Variants in RYR1 observed in about 807,000 individuals in gnomAD.
RYR1 encodes the protein ryanodine receptor 1, also known as central core disease of muscle.
Under a neutral mutation model 583.5 loss-of-function variants are expected in RYR1, and 342 were observed. The ratio of observed to expected loss-of-function variants is 0.59; its 90% CI spans 0.54 to 0.64. The LOEUF is 0.64. RYR1 is among the 30% of genes least tolerant of loss of function. The pLI, the probability that RYR1 is intolerant of heterozygous loss-of-function variation, is 0.00. For missense variants in RYR1, 6,032 were observed against 6,917.2 expected (o/e 0.87, Z 4.54); for synonymous variants, 2,791 against 2,822.5 (o/e 0.99, Z 0.35).
At chr19:38,557,294 C>T (rs1648188949) in intron 89 of RYR1, among the ~76,000 whole-genome samples, 1 of 152,120 alleles carries the variant, frequency 6.6e-6, no homozygotes, top group African/African-American at 2.4e-5. Flanking sequence ...CTGCCCTGGT[C>T]CTGAAGGTAC....
Position 38,585,109 on chromosome 19 carries a change from G to T in RYR1, c.14803+10G>T. 6.2e-7 allele frequency: 1 copy of T among 1,613,262 alleles called. No homozygotes were observed. Among genetic ancestry groups the T allele is most frequent in the Non-Finnish European group, 8.5e-7 (1 of 1,179,624 alleles). On this transcript the variant is annotated intron_variant, in intron 102 of 105. Coordinates refer to ENST00000359596, the MANE Select transcript of RYR1 (RefSeq NM_000540.3). ...TTGGCCATCATCCAGGGTCAGTGCT[G>T]GGAGTGGGCGCTCAGGGCCCGGAGG...
At position 38,517,644 on chromosome 19, in the gene RYR1, T is replaced by C. The variant is rs141515745; in HGVS notation, c.9971T>C (p.Val3324Ala). The change falls in exon 66 of 106, where the codon GTC becomes GCC. Residue 3324 changes from valine (V) to alanine (A), a missense_variant. Physicochemically the swap from Val to Ala is moderately conservative, Grantham distance 64 (BLOSUM62 0). This residue lies in a region of RYR1 where 1,493 missense variants were observed against 1,715.5 expected (regional missense o/e 0.87). Coordinates refer to ENST00000359596, the MANE Select transcript of RYR1 (RefSeq NM_000540.3). ...SLLGNILRII[V>A]NNLGIDEASW... ...CTGGGGAATATCCTGAGAATCATCG[T>C]CAACAACCTGGGCATTGACGAGGCC... 20 of 1,613,980 alleles carry C rather than the reference T, an allele frequency of 1.2e-5. No individual in the cohort carries two copies. Among genetic ancestry groups the C allele is most frequent in the Admixed American group, 1.7e-5 (1 of 59,992 alleles).
chr19:38,473,791 G>A lies in RYR1; in HGVS notation c.4160+20G>A. On this transcript the variant is annotated intron_variant, in intron 28 of 105. Transcript: ENST00000359596. ...GAGAGGGTGAGTCGAGGGGGGCCCA[G>A]AGTGGGGATTGGGGGCTGCCTTGGG... 1 of 1,494,794 alleles carries A rather than the reference G, an allele frequency of 6.7e-7. No homozygotes were observed. The highest frequency in any genetic ancestry group is 8.9e-7 in the Non-Finnish European group (1 of 1,120,246). 92.6% of individuals were successfully genotyped at this position (1,494,794 alleles called of 1,614,324 possible).
At chr19:38,506,788 G>C (rs1248937731) in intron 56 of RYR1, 41 bp from the exon 57 acceptor site, 50 of 1,613,680 alleles carry the variant, frequency 3.1e-5, no homozygotes, top group Non-Finnish European at 4.2e-5. Context: ...AGTGGCCCGG[G>C]TCTTCCCCAG....
rs1970176400 is a variant in RYR1 at position 38,502,557 on chromosome 19, C to T, written c.7665C>T (p.Cys2555=). ...CGCTGGCGCTGAACCGCTACCTGTG[C>T]CTGGCCGTGCTGCCGCTCATCACCA... is the stretch of plus-strand genomic sequence containing the variant. The part of the protein sequence containing the change: ...EMALALNRYL[C]LAVLPLITKC... Residue 2555 remains cysteine (C), a synonymous_variant, in exon 48 of 106, where the codon TGC becomes TGT. Coordinates refer to ENST00000359596, the MANE Select transcript of RYR1 (RefSeq NM_000540.3). 2 of 1,611,592 alleles carry T rather than the reference C, an allele frequency of 1.2e-6. No individual in the cohort carries two copies. The highest frequency in any genetic ancestry group is 1.3e-5 in the African/African-American group (1 of 74,866).
Position 38,475,149 on chromosome 19 carries a change from A to G in RYR1, c.4161-169A>G, listed in dbSNP as rs73046907. On this transcript the variant is annotated intron_variant, in intron 28 of 105. Coordinates refer to ENST00000359596, the MANE Select transcript of RYR1 (RefSeq NM_000540.3). ...AGCATCCACAAGCGCAGAGCATAGC[A>G]CTTCTAGAATGGATTAGTCTGGGGT... is the stretch of plus-strand genomic sequence containing the variant. 9.8e-3 allele frequency among the ~76,000 whole-genome samples: 1,494 copies of G among 152,234 alleles called. 14 individuals carry two copies. Among genetic ancestry groups the G allele is most frequent in the Middle Eastern group, 0.02 (6 of 294 alleles).
At position 38,538,119 on chromosome 19, in the gene RYR1, T is replaced by C. The variant is rs2071091; in HGVS notation, c.11689+159T>C. Among the ~76,000 whole-genome samples the C allele has an allele frequency of 0.19, 29,089 of 151,974 alleles. 3,620 individuals are homozygous for C. Among genetic ancestry groups the C allele is most frequent in the African/African-American group, 0.34 (14,191 of 41,416 alleles). The stretch of plus-strand genomic sequence containing the variant: ...TAGCTTTCAAAATCTCTCTGGAGGC[T>C]GGGCGCAGTGACTCAGGCCTATAAT... On this transcript the variant is annotated intron_variant, in intron 84 of 105. Transcript: ENST00000359596.
chr19:38,482,667 C>T (rs1474818982), intron 31 of RYR1, among the ~76,000 whole-genome samples: 1 of 152,102 alleles, frequency 6.6e-6, no homozygotes, highest in Non-Finnish European at 1.5e-5. Flanking sequence ...CCAGGCTGCT[C>T]TTGAACTCTT....
intron 64 of RYR1, among the ~76,000 whole-genome samples, chr19:38,515,729 T>G (rs1440284474): frequency 4.6e-5 from 7 of 152,106 alleles, no homozygotes; most frequent in Non-Finnish European, 8.8e-5. Flanking sequence ...GGGGATCGCT[T>G]GAGCTCCAGC....
intron 71 of RYR1, 76 bp from the exon 72 acceptor site, chr19:38,526,917 C>T: frequency 2.0e-6 from 3 of 1,511,100 alleles, no homozygotes; most frequent in Non-Finnish European, 2.8e-6. Flanking sequence ...GGGTGCTGGG[C>T]CTGGAAGGAA....
chr19:38,517,002 G>C (rs1031006651), intron 65 of RYR1, among the ~76,000 whole-genome samples: 1 of 152,162 alleles, frequency 6.6e-6, no homozygotes, highest in Non-Finnish European at 1.5e-5. Flanking sequence ...GATTCAGAGA[G>C]ACAAGGCGGG....
chr19:38,559,562 C>T (rs796755265), intron 89 of RYR1, among the ~76,000 whole-genome samples: 3 of 152,048 alleles, frequency 2.0e-5, no homozygotes, highest in African/African-American at 7.2e-5. Context: ...CAGACAGTGT[C>T]ACACTGCTCA....
intron 23 of RYR1, 50 bp from the exon 24 acceptor site, chr19:38,466,041 C>T (rs755394112): frequency 4.4e-5 from 68 of 1,549,236 alleles, no homozygotes; most frequent in Non-Finnish European, 5.7e-5. Context: ...GTGCAGAGCC[C>T]GGAAGTGGAG....
intron 38 of RYR1, among the ~76,000 whole-genome samples, chr19:38,493,516 G>GTTTT (rs58975597): frequency 1.7e-5 from 2 of 115,748 alleles, no homozygotes; most frequent in Non-Finnish European, 3.4e-5. Flanking sequence ...TTTCTTTTTC[G>GTTTT]TTTTTTTTTT....
intron 89 of RYR1, among the ~76,000 whole-genome samples, chr19:38,549,395 C>T (rs1972566502): frequency 1.3e-5 from 2 of 152,050 alleles, no homozygotes; most frequent in African/African-American, 4.8e-5. Context: ...AGTTCGAGAT[C>T]AGCCTGGGCA....
At chr19:38,560,515 G>C (rs1973077893) in intron 89 of RYR1, among the ~76,000 whole-genome samples, 1 of 152,020 alleles carries the variant, frequency 6.6e-6, no homozygotes, top group Non-Finnish European at 1.5e-5. Context: ...GATCACCTGA[G>C]GACAGGAGTT....
At chr19:38,487,810 T>G (rs992881945) in intron 34 of RYR1, among the ~76,000 whole-genome samples, 1 of 152,114 alleles carries the variant, frequency 6.6e-6, no homozygotes, top group Non-Finnish European at 1.5e-5. Flanking sequence ...AGTTTTAAAT[T>G]TTTTGTAGAG....
chr19:38,503,709 G>A (rs1970306209), intron 49 of RYR1, among the ~76,000 whole-genome samples: 1 of 151,540 alleles, frequency 6.6e-6, no homozygotes, highest in African/African-American at 2.4e-5. Context: ...GGAGGCGGAG[G>A]TTGCAGTGAG....
chr19:38,502,764 G>GGGGCA, intron 48 of RYR1, 37 bp downstream of exon 48: 1 of 773,600 alleles, frequency 1.3e-6, no homozygotes, highest in Non-Finnish European at 1.9e-6. Context: ...GGCAGGGGCA[G>GGGGCA]GGGCAGGGGC....
Sources: gnomAD v4.1 joint callset for allele counts (sites outside exome capture counted in the v4.1 genomes callset) on GRCh38, gnomAD v4.1.1 for gene constraint, gnomAD v4.1.1 regional missense constraint, MANE v1.5 for transcripts, NCBI Gene and HGNC (gene_info 2026-07-23, HGNC 2026-07-21) for gene names.